SLC37A3: variants seen among roughly 807,000 people sequenced by gnomAD.
SLC37A3 encodes the protein sugar phosphate exchanger 3.
A neutral mutation model predicts 67.1 loss-of-function variants in SLC37A3; 51 were observed. That is an observed-to-expected ratio of 0.76 (90% CI 0.61 to 0.96). The LOEUF is 0.96. Among genes scored for constraint, SLC37A3 ranks in the 40% least tolerant of loss-of-function variants. SLC37A3 has a pLI of 0.00. For missense variants in SLC37A3, 508 were observed against 603.0 expected (o/e 0.84, Z 1.65); for synonymous variants, 214 against 231.4 (o/e 0.92, Z 0.68).
At chr7:140,397,605 C>A (rs1458074459) in intron 1 of SLC37A3, among the ~76,000 whole-genome samples, 1 of 152,080 alleles carries the variant, frequency 6.6e-6, no homozygotes, top group Non-Finnish European at 1.5e-5. Context: ...ATCATTTAAG[C>A]ACCAAAGCAC....
At chr7:140,358,534 T>A (rs993645567) in intron 6 of SLC37A3, 106 bp downstream of exon 6, 13 of 1,442,842 alleles carry the variant, frequency 9.0e-6, no homozygotes, top group African/African-American at 4.2e-5. Flanking sequence ...TAACGAAAGA[T>A]GTGGGTGGTA....
At chr7:140,339,938 C>T (rs1796292429) in intron 13 of SLC37A3, among the ~76,000 whole-genome samples, 2 of 152,106 alleles carry the variant, frequency 1.3e-5, no homozygotes, top group South Asian at 2.1e-4. Flanking sequence ...CGGGGTTTCA[C>T]CGTGTTAGCC....
intron 5 of SLC37A3, among the ~76,000 whole-genome samples, chr7:140,363,698 AAAT>A (rs761675344): frequency 0.11 from 12,151 of 111,836 alleles, 709 homozygotes; most frequent in South Asian, 0.22. Flanking sequence ...AATAAAAAAA[AAAT>A]AAATAAAAAA....
chr7:140,372,717 G>A (rs2129680089), intron 3 of SLC37A3, among the ~76,000 whole-genome samples: 1 of 152,098 alleles, frequency 6.6e-6, no homozygotes, highest in African/African-American at 2.4e-5. Flanking sequence ...ACAAAAATTA[G>A]CCACGTGTGG....
At chr7:140,393,216 C>T (rs1798790111) in intron 1 of SLC37A3, among the ~76,000 whole-genome samples, 1 of 152,164 alleles carries the variant, frequency 6.6e-6, no homozygotes, top group African/African-American at 2.4e-5. Flanking sequence ...GCACACATAC[C>T]AGGCAGAGCC....
chr7:140,385,674 G>A (rs1325549554), intron 1 of SLC37A3, among the ~76,000 whole-genome samples: 1 of 152,166 alleles, frequency 6.6e-6, no homozygotes, highest in East Asian at 1.9e-4. Flanking sequence ...AGACATTTGA[G>A]GCCATTTGGA....
At chr7:140,344,150 G>A (rs905435002) in intron 12 of SLC37A3, 4 of 155,010 alleles carry the variant, frequency 2.6e-5, no homozygotes, top group South Asian at 2.0e-4. Context: ...TTTTCTGGCC[G>A]GGCGCAGTGG....
intron 4 of SLC37A3, among the ~76,000 whole-genome samples, chr7:140,368,588 A>C (rs972070817): frequency 2.2e-4 from 33 of 151,816 alleles, no homozygotes; most frequent in African/African-American, 8.0e-4. Context: ...AATTAAAAAC[A>C]TAATAATAAT....
chr7:140,341,771 G>A (rs189081733), intron 13 of SLC37A3, among the ~76,000 whole-genome samples: 322 of 152,240 alleles, frequency 2.1e-3, no homozygotes, highest in African/African-American at 7.2e-3. Flanking sequence ...TCATTATAAT[G>A]CACCCATTTA....
chr7:140,370,664 G>A (rs1222760969), intron 3 of SLC37A3: 3 of 152,172 alleles, frequency 2.0e-5, no homozygotes, highest in Non-Finnish European at 4.4e-5. Context: ...TCTTGGAATA[G>A]TTACAACACT....
chr7:140,382,666 ATTTACAG>A, intron 1 of SLC37A3, 70 bp from the exon 2 acceptor site: 1 of 687,376 alleles, frequency 1.5e-6, no homozygotes, highest in African/African-American at 1.8e-5. Context: ...TATTATTTAG[ATTTACAG>A]TCACCATATA....
chr7:140,361,543 CTCTCCG>C (rs1797291090), intron 5 of SLC37A3, among the ~76,000 whole-genome samples: 3 of 122,498 alleles, frequency 2.4e-5, no homozygotes, highest in South Asian at 3.1e-4. Flanking sequence ...CCCTCTCTCC[CTCTCCG>C]TCTCCCTCTC....
chr7:140,378,984 T>C (rs1236087001), intron 3 of SLC37A3, among the ~76,000 whole-genome samples: 2 of 150,954 alleles, frequency 1.3e-5, no homozygotes, highest in African/African-American at 2.4e-5. Context: ...GAGGTGGAGG[T>C]TGCAGTGAGC....
chr7:140,380,099 A>T (rs893458857), intron 3 of SLC37A3, 183 bp downstream of exon 3: 3 of 375,818 alleles, frequency 8.0e-6, no homozygotes, highest in Admixed American at 4.5e-5. Context: ...CCGGCTGGAG[A>T]GGTAAAATGG....
At chr7:140,387,746 T>TATATAATATAAATATATTATATATATTAC (rs1563053242) in intron 1 of SLC37A3, among the ~76,000 whole-genome samples, 1 of 27,078 alleles carries the variant, frequency 3.7e-5, no homozygotes, top group East Asian at 6.8e-4. Context: ...CTATATATTA[T>TATATAATATAAATATATTATATATATTAC]ATAAATATAA....
rs1004948198 is a variant in SLC37A3 at position 140,358,687 on chromosome 7, A to T, written c.474T>A (p.Gly158=). The change falls in exon 6 of 15, where the codon GGT becomes GGA. Residue 158 remains glycine (G), a synonymous_variant. Transcript: ENST00000326232. ...WIVNGLLQST[G]WPCVVAVMGN... is the part of the protein sequence containing the mutation. ...CCATAACAGCAACCACACAGGGCCA[A>T]CCAGTGGACTGCAGCAGGCCGTTCA... 3 of 1,614,190 alleles carry T rather than the reference A, an allele frequency of 1.9e-6. No individual in the cohort carries two copies. Among genetic ancestry groups the T allele is most frequent in the Non-Finnish European group, 2.5e-6 (3 of 1,180,036 alleles).
chr7:140,366,728 A>G (rs894619633), intron 4 of SLC37A3, among the ~76,000 whole-genome samples: 3 of 152,292 alleles, frequency 2.0e-5, no homozygotes, highest in East Asian at 1.9e-4. Flanking sequence ...GTGCCTCTAC[A>G]TGGGGATTTT....
At chr7:140,384,644 A>G (rs551933983) in intron 1 of SLC37A3, among the ~76,000 whole-genome samples, 2 of 152,126 alleles carry the variant, frequency 1.3e-5, no homozygotes, top group African/African-American at 4.8e-5. Flanking sequence ...GCTTGAGCCC[A>G]GGGGTTCAAG....
In SLC37A3 at chr7:140,345,908, TC is replaced by T; in HGVS notation, c.1086del (p.Ser363ValfsTer25). The T allele has an allele frequency of 6.2e-7, 1 of 1,614,020 alleles. No homozygotes were observed. The highest frequency in any genetic ancestry group is 1.3e-5 in the African/African-American group (1 of 75,026). On this transcript the variant is annotated frameshift_variant, in exon 11 of 15. Coordinates refer to ENST00000326232, the MANE Select transcript of SLC37A3 (RefSeq NM_207113.3). LOFTEE classifies it high-confidence loss of function. Reference protein sequence around the residue: ...VLQKRAPVLALSLLLAVGSLI... With the variant: ...VLQKRAPVLAXSLLLAVGSLI... ...AGGGACCCAACTGCCAGAAGCAGAC[TC>T]AGGGCAAGAACCGGCGCTCTCTTCT...
Sources: allele counts gnomAD v4.1 joint callset (sites outside exome capture counted in the v4.1 genomes callset), GRCh38; gene constraint gnomAD v4.1.1; transcripts MANE v1.5; gene names NCBI Gene and HGNC (gene_info 2026-07-23, HGNC 2026-07-21).